DAPK1: variants seen among roughly 807,000 people sequenced by gnomAD.
DAPK1 encodes the protein death-associated protein kinase 1.
In DAPK1, 56 loss-of-function variants were observed where a neutral mutation model predicts 144.9. The ratio of observed to expected loss-of-function variants is 0.39; its 90% CI spans 0.31 to 0.48. The LOEUF (loss-of-function observed/expected upper bound fraction) is 0.48, where lower values mean the gene tolerates loss of function less well. Ranked by LOEUF, DAPK1 falls within the 20% of genes least tolerant of loss-of-function variation. DAPK1 has a pLI of 0.95. For missense variants in DAPK1, 1,454 were observed against 1,875.4 expected, an observed-to-expected ratio of 0.78 and a Z score of 4.15; for synonymous variants, 690 against 749.0, an observed-to-expected ratio of 0.92 and a Z score of 1.29.
chr9:87,639,338 C>G lies in DAPK1; in HGVS notation c.424-16C>G, dbSNP rs1335882905. On this transcript the variant is annotated splice_polypyrimidine_tract_variant and intron_variant, in intron 4 of 25. Transcript: ENST00000408954. ...ACATATCATAGCTTTTTATTTATCTCTCTCTTTTTTTCAAGCCTGAGAACA... is the reference window on the plus strand; with the variant it reads ...ACATATCATAGCTTTTTATTTATCTGTCTCTTTTTTTCAAGCCTGAGAACA... 1.3e-5 allele frequency: 20 copies of G among 1,579,658 alleles called. No individual in the cohort carries two copies. Among genetic ancestry groups the G allele is most frequent in the Admixed American group, 1.9e-5 (1 of 51,426 alleles).
At chr9:87,521,486 T>G (rs1002979532) in intron 2 of DAPK1, among the ~76,000 whole-genome samples, 4 of 152,110 alleles carry the variant, frequency 2.6e-5, no homozygotes, top group African/African-American at 9.7e-5. Flanking sequence ...TCTTATCCCA[T>G]GAGGACAAGG....
chr9:87,658,948 CCA>C (rs1225960600), intron 18 of DAPK1, among the ~76,000 whole-genome samples: 2 of 152,314 alleles, frequency 1.3e-5, no homozygotes, highest in African/African-American at 2.4e-5. Context: ...AAACCATGGC[CCA>C]CGGGCCATAT....
rs151015722 is a variant in DAPK1, at chr9:87,695,763, G to A, written c.2414-1244G>A. Among the ~76,000 whole-genome samples, 303 of 152,292 alleles carry A rather than the reference G, an allele frequency of 2.0e-3. 9 individuals are homozygous for A. In the East Asian group the frequency reaches 0.041, roughly 21 times the overall value. ...CAGTCACCTGGCCAAGTCAGTCCCT[G>A]TTGAGCCAAATTCAGGTGACTTTTC... On this transcript the variant is annotated intron_variant, in intron 21 of 25. Transcript: ENST00000408954.
chr9:87,658,632 A>G (rs550150233), intron 18 of DAPK1, among the ~76,000 whole-genome samples: 1 of 152,252 alleles, frequency 6.6e-6, no homozygotes, highest in African/African-American at 2.4e-5. Context: ...TTTAAGTGAG[A>G]TTTCTTCAGT....
At chr9:87,692,279 A>G (rs1341004411) in intron 21 of DAPK1, among the ~76,000 whole-genome samples, 1 of 151,284 alleles carries the variant, frequency 6.6e-6, no homozygotes, top group Non-Finnish European at 1.5e-5. Context: ...TTTATCTGAT[A>G]TAAGTACAGC....
At chr9:87,641,656 T>G (rs1830098864) in intron 9 of DAPK1, among the ~76,000 whole-genome samples, 1 of 152,198 alleles carries the variant, frequency 6.6e-6, no homozygotes, top group Non-Finnish European at 1.5e-5. Flanking sequence ...GATACCCAAG[T>G]TCAAATGCCT....
At chr9:87,663,590 G>A (rs1369683800) in intron 18 of DAPK1, among the ~76,000 whole-genome samples, 5 of 152,168 alleles carry the variant, frequency 3.3e-5, no homozygotes, top group East Asian at 1.9e-4. Flanking sequence ...AAGTCCCCGC[G>A]TCCTGCTTCT....
rs554123123 is a variant in DAPK1 at position 87,576,626 on chromosome 9, C to T, written c.63-28328C>T. The stretch of plus-strand genomic sequence containing the variant: ...AGGCTGGAGTGCAATGGCGCTATCT[C>T]GGCTCACTGCAACCTCCGCTTCCCA... On this transcript the variant is annotated intron_variant, in intron 2 of 25. Coordinates refer to ENST00000408954, the MANE Select transcript of DAPK1 (RefSeq NM_004938.4). Among the ~76,000 whole-genome samples the T allele has an allele frequency of 3.3e-5, 5 of 152,272 alleles. No individual in the cohort carries two copies. In the East Asian group the frequency reaches 5.8e-4, roughly 18 times the overall value.
At chr9:87,589,407 C>T (rs974859598) in intron 2 of DAPK1, among the ~76,000 whole-genome samples, 25 of 152,260 alleles carry the variant, frequency 1.6e-4, no homozygotes, top group Middle Eastern at 3.4e-3. Context: ...ATATAATCAG[C>T]ATCTTTCCCA....
At chr9:87,697,885 C>G (rs534280836) in intron 22 of DAPK1, among the ~76,000 whole-genome samples, 10 of 152,286 alleles carry the variant, frequency 6.6e-5, no homozygotes, top group Admixed American at 4.6e-4. Context: ...ACCTGGGAGG[C>G]TGTGGCTGCA....
chr9:87,614,390 C>T (rs1227736183), intron 3 of DAPK1, among the ~76,000 whole-genome samples: 1 of 152,140 alleles, frequency 6.6e-6, no homozygotes, highest in East Asian at 1.9e-4. Flanking sequence ...TGTTTATCTC[C>T]AAGAAAGACC....
intron 19 of DAPK1, chr9:87,668,895 G>C (rs2119277949): frequency 3.9e-6 from 2 of 517,122 alleles, no homozygotes; most frequent in South Asian, 4.6e-5. Flanking sequence ...TAGCATGTTT[G>C]CAGTTGCCGT....
chr9:87,504,658 C>T (rs545388207), intron 2 of DAPK1, among the ~76,000 whole-genome samples: 1 of 152,312 alleles, frequency 6.6e-6, no homozygotes, highest in Admixed American at 6.5e-5. Flanking sequence ...CAGATAAATT[C>T]CAGTGCACTC....
At chr9:87,682,940 T>C (rs577948809) in intron 20 of DAPK1, among the ~76,000 whole-genome samples, 1 of 152,244 alleles carries the variant, frequency 6.6e-6, no homozygotes, top group South Asian at 2.1e-4. Flanking sequence ...TCCAGTGTGA[T>C]TTTTTTGTTT....
chr9:87,701,720 ATTTT>A (rs59185381), intron 24 of DAPK1: 2,979 of 243,788 alleles, frequency 0.012, no homozygotes, highest in South Asian at 0.026. Flanking sequence ...CTCTGGGTGT[ATTTT>A]TTTTTTTTTT....
rs190558599 is a variant in DAPK1 at position 87,697,359 on chromosome 9, C to A, written c.2611+155C>A. On this transcript the variant is annotated intron_variant, in intron 22 of 25. Transcript: ENST00000408954. ...CACCGTTTGTGGCTAACAGCTGAGC[C>A]AACTTCCTTTCTCCTTCCTGCTGGG... Among the ~76,000 whole-genome samples, 19 of 152,356 alleles carry A rather than the reference C, an allele frequency of 1.2e-4. No individual in the cohort carries two copies. In the East Asian group the frequency reaches 3.5e-3, roughly 28 times the overall value.
In DAPK1 at chr9:87,651,708, T is replaced by C; in HGVS notation, c.1808T>C (p.Leu603Ser). ...VVALCEANCN[L>S]DISNKYGRTP... ...GCCCTCTGTGAAGCAAACTGCAATT[T>C]GGACATCTCCAACAAGGTATGCACA... Residue 603 changes from leucine to serine, a missense_variant, in exon 17 of 26, where the codon TTG (leucine) becomes TCG (serine). Physicochemically the swap from Leu to Ser is moderately radical, Grantham distance 145. Around this residue, in one of 2 missense-constraint regions of DAPK1, gnomAD observed 1,025 missense variants for 1,237.9 expected, o/e 0.83. Coordinates refer to ENST00000408954, the MANE Select transcript of DAPK1 (RefSeq NM_004938.4). 1 of 1,614,130 alleles carries C rather than the reference T, an allele frequency of 6.2e-7. No homozygotes were observed.
intron 18 of DAPK1, among the ~76,000 whole-genome samples, chr9:87,659,637 G>A (rs962121682): frequency 2.6e-5 from 4 of 152,036 alleles, no homozygotes; most frequent in Non-Finnish European, 4.4e-5. Flanking sequence ...CCTTGCCCAC[G>A]ACATCTGTAT....
intron 2 of DAPK1, among the ~76,000 whole-genome samples, chr9:87,593,160 C>A (rs1313866144): frequency 2.6e-5 from 4 of 152,180 alleles, no homozygotes; most frequent in Non-Finnish European, 4.4e-5. Flanking sequence ...GCAGGACAGA[C>A]CTGTGAATGG....
Sources: allele counts gnomAD v4.1 joint callset (sites outside exome capture counted in the v4.1 genomes callset), GRCh38; gene constraint gnomAD v4.1.1; regional missense constraint gnomAD v4.1.1; transcripts MANE v1.5; gene names NCBI Gene and HGNC (gene_info 2026-07-23, HGNC 2026-07-21).